The following COL4A2 variants were observed in gnomAD, a reference collection of about 807,000 sequenced individuals.
The protein encoded by COL4A2 is collagen alpha-2(IV) chain.
Under a neutral mutation model 200.2 loss-of-function variants are expected in COL4A2, and 99 were observed. That is an observed-to-expected ratio of 0.49 (90% CI 0.42 to 0.58). The LOEUF is 0.58. Ranked by LOEUF, COL4A2 falls within the 20% of genes least tolerant of loss-of-function variation. The pLI, the probability that COL4A2 is intolerant of heterozygous loss-of-function variation, is 0.00. For missense variants in COL4A2, 1,950 were observed against 2,314.1 expected, an observed-to-expected ratio of 0.84 and a Z score of 3.23; for synonymous variants, 897 against 900.6, an observed-to-expected ratio of 1.00 and a Z score of 0.07.
rs10643752 is a variant in COL4A2, at chr13:110,452,756, T to TTTTTATTTTA, written c.1339+2317_1339+2326dup. ...GAGTCTGAGCAGTGTGAACTTTATTTTTTTATTTTATTTTATTTTATTTTG... is the reference window on the plus strand; with the variant it reads ...GAGTCTGAGCAGTGTGAACTTTATTTTTTTATTTTATTTTATTTTATTTTATTTTATTTTG... On this transcript the variant is annotated intron_variant, in intron 20 of 47. Transcript: ENST00000360467. Among the ~76,000 whole-genome samples, 9 of 151,350 alleles carry TTTTTATTTTA rather than the reference T, an allele frequency of 5.9e-5. No individual in the cohort carries two copies. The East Asian group carries it at 7.8e-4, about 13-fold the overall frequency.
intron 38 of COL4A2, among the ~76,000 whole-genome samples, chr13:110,492,388 A>G (rs1386081267): frequency 6.6e-6 from 1 of 152,188 alleles, no homozygotes. Flanking sequence ...CAGATGCACA[A>G]ATCTGCCCAG....
chr13:110,508,137 C>T lies in COL4A2; in HGVS notation c.4797C>T (p.Ala1599=). 6.2e-7 allele frequency: 1 copy of T among 1,614,286 alleles called. No individual in the cohort carries two copies. Among genetic ancestry groups the T allele is most frequent in the Non-Finnish European group, 8.5e-7 (1 of 1,180,050 alleles). The change falls in exon 47 of 48, where the codon GCC becomes GCT. Residue 1599 remains alanine, a synonymous_variant. Transcript: ENST00000360467. This position sits in a 1 kb window ranked among gnomAD's most constrained non-coding sequence, Gnocchi z 6.1. The part of the protein sequence containing the change: ...RCSVCEAPAI[A]IAVHSQDVSI... ...CTGTGTGTGAGGCCCCGGCCATCGC[C>T]ATCGCGGTCCACAGTCAGGATGTCT...
intron 4 of COL4A2, among the ~76,000 whole-genome samples, chr13:110,366,579 C>T (rs1877763078): frequency 6.6e-6 from 1 of 152,186 alleles, no homozygotes; most frequent in African/African-American, 2.4e-5. Context: ...TCAAACCAAG[C>T]AACCGTATGC....
At chr13:110,480,507 T>C in intron 31 of COL4A2, 117 bp downstream of exon 31, 1 of 1,129,962 alleles carries the variant, frequency 8.8e-7, no homozygotes, top group South Asian at 1.7e-5. Flanking sequence ...CTCACACTTC[T>C]GCAGATTGGA....
At chr13:110,493,990 G>T (rs1356062298) in intron 39 of COL4A2, among the ~76,000 whole-genome samples, 1 of 152,200 alleles carries the variant, frequency 6.6e-6, no homozygotes, top group Non-Finnish European at 1.5e-5. Context: ...TCACACTGGA[G>T]TTAGGGCTTC....
At chr13:110,376,909 T>A (rs750597) in intron 4 of COL4A2, among the ~76,000 whole-genome samples, 39,574 of 152,074 alleles carry the variant, frequency 0.26, 5,664 homozygotes, top group Admixed American at 0.32. Context: ...AGATAATTCA[T>A]TGTGTGCCTA....
intron 4 of COL4A2, among the ~76,000 whole-genome samples, chr13:110,367,362 G>T (rs766174793): frequency 6.6e-6 from 1 of 152,208 alleles, no homozygotes; most frequent in Non-Finnish European, 1.5e-5. Flanking sequence ...TTAAATTGTT[G>T]TCTTTGTGAG....
chr13:110,310,163 A>AATG (rs764496280), intron 3 of COL4A2, among the ~76,000 whole-genome samples: 2,459 of 152,290 alleles, frequency 0.016, 36 homozygotes, highest in Middle Eastern at 0.041. Context: ...TCATTGCTGC[A>AATG]AGCTCACCCC....
At chr13:110,505,286 G>C (rs112179141) in intron 45 of COL4A2, among the ~76,000 whole-genome samples, 43 of 152,232 alleles carry the variant, frequency 2.8e-4, no homozygotes, top group East Asian at 1.6e-3. Flanking sequence ...GGAGGTGGAG[G>C]TTGCAATGAG....
At chr13:110,483,270 TGAG>T (rs138762732) in intron 32 of COL4A2, among the ~76,000 whole-genome samples, 1 of 152,258 alleles carries the variant, frequency 6.6e-6, no homozygotes, top group East Asian at 1.9e-4. Flanking sequence ...TGTGTGTTGG[TGAG>T]GAGGTGGAGA....
chr13:110,357,471 G>A lies in COL4A2; in HGVS notation c.100-1G>A. ...CTTTGCCTTGTGTTTTATTGTTGCAGGGTGTGAAGAAGTTTGATGTGCCGT... is the reference window on the plus strand; with the variant it reads ...CTTTGCCTTGTGTTTTATTGTTGCAAGGTGTGAAGAAGTTTGATGTGCCGT... On this transcript the variant is annotated splice_acceptor_variant, in intron 3 of 47. Coordinates refer to ENST00000360467, the MANE Select transcript of COL4A2 (RefSeq NM_001846.4). LOFTEE classifies it high-confidence loss of function. 1 of 1,586,708 alleles carries A rather than the reference G, an allele frequency of 6.3e-7. No individual in the cohort carries two copies. Among genetic ancestry groups the A allele is most frequent in the Non-Finnish European group, 8.6e-7 (1 of 1,163,956 alleles).
chr13:110,351,219 T>TTTG (rs1555322828), intron 3 of COL4A2, among the ~76,000 whole-genome samples: 23,132 of 149,940 alleles, frequency 0.15, 5,467 homozygotes, highest in African/African-American at 0.51. Context: ...CAGCTATTCT[T>TTTG]TTTGTTTGTT....
chr13:110,385,498 T>TGCAGTGTGTGGATAGACCGTGGC (rs1566504974), intron 4 of COL4A2, among the ~76,000 whole-genome samples: 1 of 92,386 alleles, frequency 1.1e-5, no homozygotes, highest in Non-Finnish European at 2.6e-5. Context: ...TAGGCCGTGG[T>TGCAGTGTGTGGATAGACCGTGGC]TACAGTGTGT....
intron 21 of COL4A2, 137 bp from the exon 22 acceptor site, chr13:110,458,634 C>A (rs755314222): frequency 1.0e-6 from 1 of 975,760 alleles, no homozygotes; most frequent in Non-Finnish European, 1.5e-6. Flanking sequence ...AAATGGGGGT[C>A]ATAGTGCCCA....
chr13:110,382,541 C>T (rs892511051), intron 4 of COL4A2, among the ~76,000 whole-genome samples: 8 of 152,078 alleles, frequency 5.3e-5, no homozygotes, highest in African/African-American at 1.4e-4. Context: ...TAACTCTGTG[C>T]GTAAACTTCT....
At chr13:110,416,934 C>T (rs1880061280) in intron 4 of COL4A2, among the ~76,000 whole-genome samples, 1 of 152,076 alleles carries the variant, frequency 6.6e-6, no homozygotes, top group African/African-American at 2.4e-5. Flanking sequence ...AGATTCCATA[C>T]AAGGAAAGCT....
chr13:110,432,621 C>T (rs1880723057), intron 11 of COL4A2, among the ~76,000 whole-genome samples: 1 of 152,154 alleles, frequency 6.6e-6, no homozygotes, highest in African/African-American at 2.4e-5. Flanking sequence ...ATATGAAAAC[C>T]ACACTGAGGA....
chr13:110,500,926 G>A (rs1883616141), intron 40 of COL4A2, among the ~76,000 whole-genome samples: 1 of 152,194 alleles, frequency 6.6e-6, no homozygotes, highest in African/African-American at 2.4e-5. Context: ...GGGGGCATTT[G>A]AAACAGCAAA....
At chr13:110,510,781 G>C (rs1056771547) in intron 47 of COL4A2, among the ~76,000 whole-genome samples, 1 of 152,328 alleles carries the variant, frequency 6.6e-6, no homozygotes, top group East Asian at 1.9e-4. Flanking sequence ...TTCTGACCTC[G>C]TTCTGGGAGT....
Sources: allele counts gnomAD v4.1 joint callset (sites outside exome capture counted in the v4.1 genomes callset), GRCh38; gene constraint gnomAD v4.1.1; non-coding constraint Gnocchi (gnomAD v3.1); transcripts MANE v1.5; gene names NCBI Gene and HGNC (gene_info 2026-07-23, HGNC 2026-07-21).